PDE7B: variants seen among roughly 807,000 people sequenced by gnomAD.
PDE7B encodes phosphodiesterase 7B, also known as 3',5'-cyclic-AMP phosphodiesterase 7B.
Under a neutral mutation model 56.2 loss-of-function variants are expected in PDE7B, and 29 were observed. The ratio of observed to expected loss-of-function variants is 0.52; its 90% confidence interval spans 0.38 to 0.70. PDE7B has a LOEUF of 0.70. Ranked by LOEUF, PDE7B falls within the 30% of genes least tolerant of loss-of-function variation. The pLI is 0.00. For missense variants in PDE7B, 490 were observed against 565.0 expected (o/e 0.87, Z 1.35); for synonymous variants, 197 against 196.9 (o/e 1.00, Z 0.00).
intron 2 of PDE7B, among the ~76,000 whole-genome samples, chr6:135,999,328 T>C (rs975901429): frequency 3.3e-5 from 5 of 152,196 alleles, no homozygotes. Context: ...TAAACTTGTG[T>C]CACAAGGGTT....
intron 2 of PDE7B, among the ~76,000 whole-genome samples, chr6:136,092,987 T>C (rs1196300262): frequency 1.3e-5 from 2 of 152,192 alleles, no homozygotes; most frequent in Non-Finnish European, 2.9e-5. Context: ...GATGGATGCA[T>C]TTATTAGCTT....
At chr6:135,861,237 C>T (rs1775139285) in intron 1 of PDE7B, among the ~76,000 whole-genome samples, 1 of 151,660 alleles carries the variant, frequency 6.6e-6, no homozygotes, top group South Asian at 2.1e-4. Context: ...TGAGGTTATA[C>T]CTAGGAATAA....
At chr6:136,188,149 C>T (rs1476255243) in intron 12 of PDE7B, among the ~76,000 whole-genome samples, 1 of 152,068 alleles carries the variant, frequency 6.6e-6, no homozygotes. Context: ...TCTAATCCAC[C>T]GTCCCACAGT....
rs11154841 is a variant in PDE7B at position 136,000,407 on chromosome 6, A to T, written c.82+52883A>T. ...GGTTTTATGTTTAAGTCTTTCATCCATATTGAGTTGATTTTTGTATATAGC... is the reference window on the plus strand; with the variant it reads ...GGTTTTATGTTTAAGTCTTTCATCCTTATTGAGTTGATTTTTGTATATAGC... On this transcript the variant is annotated intron_variant, in intron 2 of 12. Transcript: ENST00000308191. Among the ~76,000 whole-genome samples the T allele has an allele frequency of 2.0e-5, 3 of 152,012 alleles. No homozygotes were observed. In the East Asian group the frequency reaches 5.8e-4, roughly 29 times the overall value.
intron 2 of PDE7B, among the ~76,000 whole-genome samples, chr6:136,100,577 T>C (rs1388749222): frequency 6.6e-6 from 1 of 152,188 alleles, no homozygotes; most frequent in Non-Finnish European, 1.5e-5. Flanking sequence ...GTTTGTCTGT[T>C]AGTGGTGTAT....
Position 135,906,810 on chromosome 6 carries a change from G to GTTTTTTT in PDE7B, c.22-40634_22-40628dup, listed in dbSNP as rs869049424. On this transcript the variant is annotated intron_variant, in intron 1 of 12. Coordinates refer to ENST00000308191, the MANE Select transcript of PDE7B (RefSeq NM_018945.4). ...TTTGACTCAAATGTTAATGAGGTTT[G>GTTTTTTT]TTTTTTTTTTTTTTTTTTTTTTTTT... is the stretch of plus-strand genomic sequence containing the variant. Among the ~76,000 whole-genome samples the GTTTTTTT allele has an allele frequency of 5.7e-4, 34 of 59,534 alleles. 4 individuals are homozygous for GTTTTTTT. The highest frequency in any genetic ancestry group is 7.7e-4 in the African/African-American group (11 of 14,242). The allele number at this position is 59,534 out of a possible 152,430, so 39.1% of individuals were successfully genotyped here. A position where few individuals can be genotyped will look rare whatever the true frequency, so the allele number is the denominator to read the frequency against.
chr6:136,140,581 A>G (rs1442829993), intron 3 of PDE7B, among the ~76,000 whole-genome samples: 1 of 152,080 alleles, frequency 6.6e-6, no homozygotes, highest in Non-Finnish European at 1.5e-5. Flanking sequence ...TTTTCACGAT[A>G]TTGATTCCTC....
chr6:135,870,941 G>C (rs1194761958), intron 1 of PDE7B, among the ~76,000 whole-genome samples: 1 of 150,978 alleles, frequency 6.6e-6, no homozygotes, highest in African/African-American at 2.5e-5. Flanking sequence ...TTTTCCCATA[G>C]TGCTGCCTAT....
intron 2 of PDE7B, among the ~76,000 whole-genome samples, chr6:136,079,742 A>G (rs1235646872): frequency 6.6e-6 from 1 of 151,928 alleles, no homozygotes; most frequent in African/African-American, 2.4e-5. Context: ...AAAAAAAAAA[A>G]AAAAGACTTT....
intron 1 of PDE7B, among the ~76,000 whole-genome samples, chr6:135,917,044 C>A (rs1305417596): frequency 1.3e-5 from 2 of 152,036 alleles, no homozygotes; most frequent in Non-Finnish European, 2.9e-5. Context: ...ATCTATGTTT[C>A]CTTCTTTGTA....
Position 136,178,468 on chromosome 6 carries a change from G to A in PDE7B, c.804-529G>A, listed in dbSNP as rs1030026883. On this transcript the variant is annotated intron_variant, in intron 9 of 12. Transcript: ENST00000308191. ...TAATATATCTCTTGCCCACTGGTTTGTAACAGTGCCTTAATTAGTTTTTGT... is the reference window on the plus strand; with the variant it reads ...TAATATATCTCTTGCCCACTGGTTTATAACAGTGCCTTAATTAGTTTTTGT... Among the ~76,000 whole-genome samples the A allele has an allele frequency of 2.6e-5, 4 of 152,140 alleles. 1 individual carries two copies. The South Asian group carries it at 6.2e-4, about 24-fold the overall frequency.
intron 8 of PDE7B, among the ~76,000 whole-genome samples, chr6:136,165,018 A>T (rs186586334): frequency 3.7e-4 from 57 of 152,344 alleles, no homozygotes; most frequent in Non-Finnish European, 7.3e-4. Flanking sequence ...ACTTATATTT[A>T]TGATTTTTGA....
At chr6:135,935,159 G>A in intron 1 of PDE7B, among the ~76,000 whole-genome samples, 1 of 64,988 alleles carries the variant, frequency 1.5e-5, no homozygotes, top group Non-Finnish European at 2.6e-5. Context: ...ATAAATATAT[G>A]AGACAGAGAA....
chr6:135,946,606 G>C (rs543975434), intron 1 of PDE7B, among the ~76,000 whole-genome samples: 1 of 152,010 alleles, frequency 6.6e-6, no homozygotes, highest in Non-Finnish European at 1.5e-5. Flanking sequence ...TTGATGAGTT[G>C]AAAATAAACC....
Position 136,154,110 on chromosome 6 carries a change from T to C in PDE7B, c.514T>C (p.Tyr172His). ...VQEDYHSQNPYHNAVHAADVT... is the reference protein window; with the variant it reads ...VQEDYHSQNPHHNAVHAADVT... Reference sequence around the variant, plus strand: ...AGAAGATTACCACAGCCAAAACCCGTATCACAATGCTGTTCACGCAGCCGA... The same window carrying C: ...AGAAGATTACCACAGCCAAAACCCGCATCACAATGCTGTTCACGCAGCCGA... The change falls in exon 7 of 13, where the codon TAT becomes CAT. Residue 172 changes from tyrosine (Y) to histidine (H), a missense_variant. Tyr to His is a moderately conservative substitution (Grantham distance 83). Transcript: ENST00000308191. 1 of 1,613,946 alleles carries C rather than the reference T, an allele frequency of 6.2e-7. No homozygotes were observed. The highest frequency in any genetic ancestry group is 8.5e-7 in the Non-Finnish European group (1 of 1,179,898).
chr6:135,931,945 ACGCGCGCG>A (rs35929261), intron 1 of PDE7B, among the ~76,000 whole-genome samples: 1 of 84,044 alleles, frequency 1.2e-5, no homozygotes, highest in East Asian at 3.2e-4. Flanking sequence ...GCACACACAC[ACGCGCGCG>A]CACACACACA....
At chr6:136,150,764 A>G (rs1778497277) in intron 5 of PDE7B, among the ~76,000 whole-genome samples, 1 of 152,194 alleles carries the variant, frequency 6.6e-6, no homozygotes, top group Non-Finnish European at 1.5e-5. Flanking sequence ...TGGTTTAGAT[A>G]CACCTGTAAA....
rs368334877 is a variant in PDE7B at position 135,904,390 on chromosome 6, C to T, written c.22-43074C>T. ...GGGAATCACCCAGAGATTCTCTCAC[C>T]CTAACACAGAGCCCACTTTGCTTAT... On this transcript the variant is annotated intron_variant, in intron 1 of 12. Coordinates refer to ENST00000308191, the MANE Select transcript of PDE7B (RefSeq NM_018945.4). Among the ~76,000 whole-genome samples, 181 of 152,238 alleles carry T rather than the reference C, an allele frequency of 1.2e-3. 4 individuals carry two copies. In the South Asian group the frequency reaches 0.037, roughly 31 times the overall value.
At chr6:135,953,203 G>T (rs1031889983) in intron 2 of PDE7B, among the ~76,000 whole-genome samples, 1 of 146,850 alleles carries the variant, frequency 6.8e-6, no homozygotes, top group Non-Finnish European at 1.5e-5. Context: ...AGCTAATAAA[G>T]TTGGGAGTTA....
Sources: allele counts gnomAD v4.1 joint callset (sites outside exome capture counted in the v4.1 genomes callset), GRCh38; gene constraint gnomAD v4.1.1; transcripts MANE v1.5; gene names NCBI Gene and HGNC (gene_info 2026-07-23, HGNC 2026-07-21).